The following SAFB2 variants were observed in gnomAD, a reference collection of about 807,000 sequenced individuals.
SAFB2 encodes scaffold attachment factor B2.
A neutral mutation model predicts 100.6 loss-of-function variants in SAFB2; 32 were observed. That is an observed-to-expected ratio of 0.32 (90% CI 0.24 to 0.43). SAFB2 has a LOEUF of 0.43. SAFB2 is among the 20% of genes least tolerant of loss of function. SAFB2 has a pLI of 1.00. For synonymous variants in SAFB2, 500 were observed against 439.4 expected (o/e 1.14, Z -1.72); for missense variants, 1,185 against 1,163.4 (o/e 1.02, Z -0.27).
Position 5,610,082 on chromosome 19 carries a change from G to A in SAFB2, c.1209C>T (p.Ser403=), listed in dbSNP as rs769738084. 5.6e-6 allele frequency: 9 copies of A among 1,613,876 alleles called. No homozygotes were observed. Among genetic ancestry groups the A allele is most frequent in the African/African-American group, 5.3e-5 (4 of 74,934 alleles). ...IIKDEKGRVG[S]GSGRNLWVSG... The stretch of plus-strand genomic sequence containing the variant: ...TGACCCACAGGTTCCGACCAGAACC[G>A]CTGCCGACCCGACCTGGCACGAGAG... Residue 403 remains serine (S), a synonymous_variant, in exon 9 of 21, where the codon AGC becomes AGT. Transcript: ENST00000252542.
At chr19:5,621,538 C>A in intron 1 of SAFB2, 142 bp from the exon 2 acceptor site, 3 of 678,888 alleles carry the variant, frequency 4.4e-6, no homozygotes, top group East Asian at 2.6e-5. Context: ...GGGCCGCAAG[C>A]CCAAAAGGCG....
intron 15 of SAFB2, 74 bp from the exon 16 acceptor site, chr19:5,592,961 G>T: frequency 6.9e-7 from 1 of 1,453,528 alleles, no homozygotes; most frequent in Non-Finnish European, 9.5e-7. Context: ...GGAGGTGGAG[G>T]TGGGGAGGGG....
chr19:5,607,915 G>C (rs1345480341), intron 9 of SAFB2, among the ~76,000 whole-genome samples: 1 of 152,236 alleles, frequency 6.6e-6, no homozygotes, highest in Admixed American at 6.5e-5. Flanking sequence ...AGGGACAGAA[G>C]ACTCTCCTGA....
At chr19:5,598,568 T>C (rs2052583045) in intron 13 of SAFB2, 2 of 561,540 alleles carry the variant, frequency 3.6e-6, no homozygotes, top group Non-Finnish European at 6.4e-6. Context: ...AGGCGGCACA[T>C]CCCGGTCAGG....
rs2052473823 is a variant in SAFB2, at chr19:5,593,917, G to C, written c.2181C>G (p.Pro727=). ...EQLRYEQERR[P]GRRPYDLDRR... is the part of the protein sequence containing the mutation. ...GGTCCAGGTCGTAGGGCCTCCGCCC[G>C]GGCCGCCGCTCCTGCTCGTAACGCA... Residue 727 remains proline, a synonymous_variant, in exon 15 of 21, where the codon CCC becomes CCG. Coordinates refer to ENST00000252542, the MANE Select transcript of SAFB2 (RefSeq NM_014649.3). 1.3e-6 allele frequency: 2 copies of C among 1,527,448 alleles called. No individual in the cohort carries two copies. The highest frequency in any genetic ancestry group is 1.7e-6 in the Non-Finnish European group (2 of 1,149,170). The allele number at this position is 1,527,448 out of a possible 1,614,324, so 94.6% of individuals were successfully genotyped here. A position where few individuals can be genotyped will look rare whatever the true frequency, so the allele number is the denominator to read the frequency against.
chr19:5,615,490 T>C (rs1216805852), intron 4 of SAFB2, among the ~76,000 whole-genome samples: 2 of 151,842 alleles, frequency 1.3e-5, no homozygotes, highest in African/African-American at 4.8e-5. Context: ...GGAGGATTGC[T>C]TGAGCTCAGG....
chr19:5,607,771 G>A (rs1020703743), intron 9 of SAFB2, among the ~76,000 whole-genome samples: 3 of 152,162 alleles, frequency 2.0e-5, no homozygotes, highest in African/African-American at 7.2e-5. Context: ...GGCATTCCCC[G>A]TCTCTGGACC....
In SAFB2 at chr19:5,593,942, A is replaced by C; in HGVS notation, c.2156T>G (p.Leu719Arg). 6.4e-7 allele frequency: 1 copy of C among 1,556,056 alleles called. No homozygotes were observed. The highest frequency in any genetic ancestry group is 1.2e-5 in the South Asian group (1 of 83,956). Residue 719 changes from leucine to arginine, a missense_variant, in exon 15 of 21, where the codon CTG becomes CGG. Leu to Arg is a moderately radical substitution (Grantham distance 102, BLOSUM62 -2). Transcript: ENST00000252542. Reference sequence around the variant, plus strand: ...GGGCCGCCGCTCCTGCTCGTAACGCAGCTGCTCCTGCTGGCGCCGCAGCTC... The same window carrying C: ...GGGCCGCCGCTCCTGCTCGTAACGCCGCTGCTCCTGCTGGCGCCGCAGCTC... ...REELRRQQEQ[L>R]RYEQERRPGR...
At chr19:5,618,201 A>G (rs552346039) in intron 2 of SAFB2, among the ~76,000 whole-genome samples, 1 of 152,164 alleles carries the variant, frequency 6.6e-6, no homozygotes, top group South Asian at 2.1e-4. Flanking sequence ...CGTCTCTACT[A>G]AAAATAGAAA....
chr19:5,594,358 A>G (rs1289019897), intron 14 of SAFB2, among the ~76,000 whole-genome samples, 180 bp from the exon 15 acceptor site: 2 of 152,242 alleles, frequency 1.3e-5, no homozygotes, highest in Non-Finnish European at 2.9e-5. Flanking sequence ...ACCTTAAGAA[A>G]AGCAAAGGCA....
At chr19:5,618,876 T>C (rs2053087411) in intron 2 of SAFB2, among the ~76,000 whole-genome samples, 1 of 152,246 alleles carries the variant, frequency 6.6e-6, no homozygotes, top group South Asian at 2.1e-4. Context: ...CCACATGGCA[T>C]CTAAAACTTA....
chr19:5,618,913 C>G (rs1038220688), intron 2 of SAFB2, among the ~76,000 whole-genome samples: 1 of 152,176 alleles, frequency 6.6e-6, no homozygotes, highest in Non-Finnish European at 1.5e-5. Context: ...TTTATTTTTT[C>G]CAAACCCACC....
At chr19:5,600,784 G>A (rs2052639354) in intron 11 of SAFB2, among the ~76,000 whole-genome samples, 1 of 152,142 alleles carries the variant, frequency 6.6e-6, no homozygotes, top group Non-Finnish European at 1.5e-5. Context: ...CATACTTTTA[G>A]GGAGTTAAAA....
At chr19:5,599,026 T>C in intron 12 of SAFB2, 142 bp from the exon 13 acceptor site, 1 of 700,930 alleles carries the variant, frequency 1.4e-6, no homozygotes, top group East Asian at 2.7e-5. Context: ...AGCCTCTAAT[T>C]CTCATCTATT....
At chr19:5,616,393 C>T in intron 3 of SAFB2, 29 bp downstream of exon 3, 4 of 1,614,040 alleles carry the variant, frequency 2.5e-6, no homozygotes, top group Non-Finnish European at 2.5e-6. Flanking sequence ...GGAGCTGCTG[C>T]TTGTCATCTC....
chr19:5,598,790 C>G lies in SAFB2; in HGVS notation c.1782+3G>C. On this transcript the variant is annotated splice_donor_region_variant and intron_variant, in intron 13 of 20. Coordinates refer to ENST00000252542, the MANE Select transcript of SAFB2 (RefSeq NM_014649.3). ...GCCCTGAGATGGCAGAGGCAATACT[C>G]ACTCTCTCTTTGGACCTGCTTGTGG... 6.2e-7 allele frequency: 1 copy of G among 1,613,418 alleles called. No homozygotes were observed. Among genetic ancestry groups the G allele is most frequent in the Non-Finnish European group, 8.5e-7 (1 of 1,179,332 alleles).
intron 11 of SAFB2, 143 bp from the exon 12 acceptor site, chr19:5,600,403 G>A (rs994847479): frequency 1.9e-6 from 2 of 1,038,852 alleles, no homozygotes; most frequent in African/African-American, 3.2e-5. Flanking sequence ...AAATTATTTG[G>A]AACCCATAGT....
At chr19:5,597,523 A>C (rs1010253156) in intron 13 of SAFB2, among the ~76,000 whole-genome samples, 4 of 152,258 alleles carry the variant, frequency 2.6e-5, no homozygotes, top group Non-Finnish European at 5.9e-5. Flanking sequence ...TATTACACAG[A>C]AAGTGCAAGC....
chr19:5,609,631 G>C (rs1218614927), intron 9 of SAFB2, among the ~76,000 whole-genome samples: 3 of 152,144 alleles, frequency 2.0e-5, no homozygotes, highest in Non-Finnish European at 4.4e-5. Context: ...AAGACCACCA[G>C]TCTCTTTGAG....
Sources: allele counts gnomAD v4.1 joint callset (sites outside exome capture counted in the v4.1 genomes callset), GRCh38; gene constraint gnomAD v4.1.1; transcripts MANE v1.5; gene names NCBI Gene and HGNC (gene_info 2026-07-23, HGNC 2026-07-21).